ERCC6L2: variants seen among roughly 807,000 people sequenced by gnomAD.
ERCC6L2 encodes ERCC excision repair 6 like 2, also known as DNA excision repair protein ERCC-6-like 2.
A neutral mutation model predicts 132.0 loss-of-function variants in ERCC6L2; 77 were observed. That is an observed-to-expected ratio of 0.58 (90% CI 0.49 to 0.71). The LOEUF is 0.71. Among genes scored for constraint, ERCC6L2 ranks in the 30% least tolerant of loss-of-function variants. The pLI, the probability that ERCC6L2 is intolerant of heterozygous loss-of-function variation, is 0.00. For missense variants in ERCC6L2, 1,542 were observed against 1,837.6 expected (o/e 0.84, Z 2.94); for synonymous variants, 583 against 632.4 (o/e 0.92, Z 1.17).
intron 12 of ERCC6L2, chr9:95,954,661 A>G (rs1385994201): frequency 5.0e-6 from 2 of 402,504 alleles, no homozygotes; most frequent in African/African-American, 2.1e-5. Context: ...TCTCCCATTC[A>G]CCAAACAACT....
chr9:95,976,602 TC>T (rs1832683394), intron 16 of ERCC6L2, among the ~76,000 whole-genome samples: 1 of 152,186 alleles, frequency 6.6e-6, no homozygotes, highest in Admixed American at 6.6e-5. Context: ...GTGGAGATTT[TC>T]CCCACCTGCT....
intron 2 of ERCC6L2, among the ~76,000 whole-genome samples, chr9:95,895,814 T>C (rs965136601): frequency 6.8e-6 from 1 of 148,034 alleles, no homozygotes; most frequent in Non-Finnish European, 1.5e-5. Context: ...GCAAACTCCC[T>C]CTCCCAGGTT....
intron 19 of ERCC6L2, among the ~76,000 whole-genome samples, chr9:96,032,376 G>A (rs778205460): frequency 1.3e-5 from 2 of 152,276 alleles, no homozygotes; most frequent in African/African-American, 2.4e-5. Flanking sequence ...ATCCTCTTCC[G>A]CAGCCTCCTT....
At chr9:95,963,424 T>C (rs1187107945) in intron 13 of ERCC6L2, among the ~76,000 whole-genome samples, 1 of 152,062 alleles carries the variant, frequency 6.6e-6, no homozygotes, top group Non-Finnish European at 1.5e-5. Flanking sequence ...CCAGTATGTA[T>C]TTCCCCAAAA....
rs1281360515 is a variant in ERCC6L2 at position 95,910,147 on chromosome 9, T to A, written c.788+2876T>A. On this transcript the variant is annotated intron_variant, in intron 4 of 18. Coordinates refer to ENST00000653738, the MANE Select transcript of ERCC6L2 (RefSeq NM_020207.7). ...TTGCTGATTTCCTTTTCGATTGGCT[T>A]ACAGTATCTGAGAGAGGAGAGTTGA... Among the ~76,000 whole-genome samples the A allele has an allele frequency of 5.9e-5, 9 of 152,308 alleles. 1 individual carries two copies. In the Middle Eastern group the frequency reaches 0.017, roughly 288 times the overall value.
chr9:95,964,683 T>C (rs776658025), intron 13 of ERCC6L2, among the ~76,000 whole-genome samples: 2 of 152,194 alleles, frequency 1.3e-5, no homozygotes, highest in Non-Finnish European at 2.9e-5. Context: ...ATTGTTATGA[T>C]GAGATCCAAG....
chr9:95,898,274 A>G (rs1828571571), intron 3 of ERCC6L2, among the ~76,000 whole-genome samples: 2 of 152,132 alleles, frequency 1.3e-5, no homozygotes, highest in South Asian at 4.1e-4. Context: ...TTAAACTTAC[A>G]GAATGTATAT....
intron 9 of ERCC6L2, 117 bp from the exon 10 acceptor site, chr9:95,927,962 G>T: frequency 1.6e-6 from 1 of 611,420 alleles, no homozygotes; most frequent in South Asian, 2.8e-5. Flanking sequence ...TAGAAAAAAT[G>T]AATGAGGTTA....
intron 18 of ERCC6L2, among the ~76,000 whole-genome samples, chr9:96,010,681 C>G (rs955871292): frequency 6.6e-6 from 1 of 152,194 alleles, no homozygotes; most frequent in African/African-American, 2.4e-5. Flanking sequence ...CAATCACTGA[C>G]CTAGGTTCCC....
Position 95,941,496 on chromosome 9 carries a change from T to C in ERCC6L2, c.1794T>C (p.Val598=). The C allele has an allele frequency of 6.2e-7, 1 of 1,613,422 alleles. No individual in the cohort carries two copies. The highest frequency in any genetic ancestry group is 1.3e-5 in the African/African-American group (1 of 74,976). The change falls in exon 12 of 19, where the codon GTT becomes GTC. Residue 598 remains valine, a synonymous_variant. Coordinates refer to ENST00000653738, the MANE Select transcript of ERCC6L2 (RefSeq NM_020207.7). ...TCAATTTTGTCGGTGCCAATGTTGT[T>C]GTATTATTTGATCCTACTTGGAATC... ...LGLNFVGANV[V]VLFDPTWNPA...
Position 96,013,953 on chromosome 9 carries a change from G to A in ERCC6L2, c.*750G>A, listed in dbSNP as rs572661711. On this transcript the variant is annotated 3_prime_UTR_variant, in exon 19 of 19. Coordinates refer to ENST00000653738, the MANE Select transcript of ERCC6L2 (RefSeq NM_020207.7). Reference sequence around the variant, plus strand: ...TAGTACTTTTGTAGTTCTTAAGTATGAAGAAATGGGTAAACTTTTTATTTT... The same window carrying A: ...TAGTACTTTTGTAGTTCTTAAGTATAAAGAAATGGGTAAACTTTTTATTTT... The A allele has an allele frequency of 2.0e-5, 3 of 152,294 alleles. No homozygotes were observed. Among genetic ancestry groups the A allele is most frequent in the African/African-American group, 7.2e-5 (3 of 41,566 alleles). 9.4% of individuals were successfully genotyped at this position (152,294 alleles called of 1,614,324 possible). A position where few individuals can be genotyped will look rare whatever the true frequency, so the allele number is the denominator to read the frequency against.
chr9:95,878,840 C>G (rs1378017111), intron 1 of ERCC6L2, among the ~76,000 whole-genome samples: 1 of 151,540 alleles, frequency 6.6e-6, no homozygotes, highest in Non-Finnish European at 1.5e-5. Flanking sequence ...ATGAACTCAT[C>G]ATTTTTTATG....
chr9:95,927,768 G>A (rs891931321), intron 9 of ERCC6L2, among the ~76,000 whole-genome samples: 9 of 151,974 alleles, frequency 5.9e-5, no homozygotes, highest in African/African-American at 2.2e-4. Flanking sequence ...AGTGTATTTT[G>A]GAAATTAAAT....
At chr9:95,984,541 C>T (rs1381929447) in intron 17 of ERCC6L2, among the ~76,000 whole-genome samples, 1 of 151,988 alleles carries the variant, frequency 6.6e-6, no homozygotes, top group Non-Finnish European at 1.5e-5. Flanking sequence ...CATAAGAAGC[C>T]TTCCTCTTAC....
At position 96,006,636 on chromosome 9, in the gene ERCC6L2, C is replaced by A. The variant is rs536596573; in HGVS notation, c.3674+1935C>A. 4.6e-5 allele frequency among the ~76,000 whole-genome samples: 7 copies of A among 152,258 alleles called. No homozygotes were observed. In the East Asian group the frequency reaches 1.4e-3, roughly 29 times the overall value. Reference sequence around the variant, plus strand: ...AAAGACTTGTAGGAGAAAAAGAGATCATGTCAGAGAGGTGAAAACAGAAAG... The same window carrying A: ...AAAGACTTGTAGGAGAAAAAGAGATAATGTCAGAGAGGTGAAAACAGAAAG... On this transcript the variant is annotated intron_variant, in intron 18 of 18. Transcript: ENST00000653738.
intron 17 of ERCC6L2, among the ~76,000 whole-genome samples, chr9:96,002,510 C>G (rs1833724309): frequency 6.6e-6 from 1 of 151,864 alleles, no homozygotes; most frequent in Non-Finnish European, 1.5e-5. Context: ...CAACTTCTGC[C>G]TCCCGGGCTC....
intron 1 of ERCC6L2, among the ~76,000 whole-genome samples, chr9:95,877,803 T>TAAAA (rs901782042): frequency 7.4e-6 from 1 of 135,114 alleles, no homozygotes. Flanking sequence ...CACTCTTGTC[T>TAAAA]AAAAAAAAAA....
chr9:96,019,778 G>C (rs1443437313), downstream of ERCC6L2: 1 of 152,200 alleles, frequency 6.6e-6, no homozygotes, highest in Non-Finnish European at 1.5e-5. Context: ...TTATAGCTGG[G>C]GAGGCCTCAG....
chr9:95,923,641 C>A (rs1164351881), intron 9 of ERCC6L2, among the ~76,000 whole-genome samples: 1 of 152,136 alleles, frequency 6.6e-6, no homozygotes, highest in Non-Finnish European at 1.5e-5. Context: ...GACTTATGCC[C>A]TCTTAAAATG....
Sources: allele counts gnomAD v4.1 joint callset (sites outside exome capture counted in the v4.1 genomes callset), GRCh38; gene constraint gnomAD v4.1.1; transcripts MANE v1.5; gene names NCBI Gene and HGNC (gene_info 2026-07-23, HGNC 2026-07-21).